Variants in PHACTR2 observed in about 807,000 individuals in gnomAD.
The protein encoded by PHACTR2 is chromosome 6 open reading frame 56.
Under a neutral mutation model 76.0 loss-of-function variants are expected in PHACTR2, and 30 were observed. That is an observed-to-expected ratio of 0.39 (90% CI 0.30 to 0.54). The LOEUF (loss-of-function observed/expected upper bound fraction) is 0.54, where lower values mean the gene tolerates loss of function less well. PHACTR2 is among the 20% of genes least tolerant of loss of function. PHACTR2 has a pLI of 0.61. For missense variants in PHACTR2, 696 were observed against 781.1 expected (o/e 0.89, Z 1.30); for synonymous variants, 292 against 292.5 (o/e 1.00, Z 0.02).
Position 143,807,240 on chromosome 6 carries a change from A to T in PHACTR2, c.1922+107A>T, listed in dbSNP as rs1436807556. The T allele has an allele frequency of 1.5e-6, 1 of 657,764 alleles. No individual in the cohort carries two copies. The highest frequency in any genetic ancestry group is 1.8e-5 in the African/African-American group (1 of 54,660). The allele number at this position is 657,764 out of a possible 1,614,324, so 40.7% of individuals were successfully genotyped here. A position where few individuals can be genotyped will look rare whatever the true frequency, so the allele number is the denominator to read the frequency against. The stretch of plus-strand genomic sequence containing the variant: ...TACAATGGTAAATTTTATGATAGGT[A>T]TATTTCATCACAATTAAAAAATGTT... On this transcript the variant is annotated intron_variant, in intron 12 of 12. Coordinates refer to ENST00000440869, the MANE Select transcript of PHACTR2 (RefSeq NM_001100164.2). This position sits in a 1 kb window ranked among gnomAD's most constrained non-coding sequence, Gnocchi z 5.5.
chr6:143,623,235 G>A lies in PHACTR2; in HGVS notation c.13+14913G>A, dbSNP rs1031029797. Among the ~76,000 whole-genome samples, 28 of 152,072 alleles carry A rather than the reference G, an allele frequency of 1.8e-4. No individual in the cohort carries two copies. The highest frequency in any genetic ancestry group is 1.3e-3 in the Admixed American group (20 of 15,274). Reference sequence around the variant, plus strand: ...AGCCAAATTACCTTCCCTAGAAAAAGAAATTATTTTCAAACTCCTAAAATG... The same window carrying A: ...AGCCAAATTACCTTCCCTAGAAAAAAAAATTATTTTCAAACTCCTAAAATG... On this transcript the variant is annotated intron_variant, in intron 1 of 11. Transcript: ENST00000305766. This position sits in a 1 kb window ranked among gnomAD's most constrained non-coding sequence, Gnocchi z 5.9.
chr6:143,778,967 A>T (rs1775351076), intron 9 of PHACTR2, among the ~76,000 whole-genome samples: 1 of 152,188 alleles, frequency 6.6e-6, no homozygotes, highest in Admixed American at 6.5e-5. Context: ...GAGGTTTGGG[A>T]AAGAGTGAGA....
Position 143,554,667 on chromosome 6 carries a change from C to T in PHACTR2, c.217+17460C>T, listed in dbSNP as rs1248636081. Reference sequence around the variant, plus strand: ...CAATTTAGCAGGGCTTTTGTTAAAACTGTATTTTACGAGGAAGTGCCCAGA... The same window carrying T: ...CAATTTAGCAGGGCTTTTGTTAAAATTGTATTTTACGAGGAAGTGCCCAGA... On this transcript the variant is annotated intron_variant, in intron 1 of 11. Transcript: ENST00000367584. This position sits in a 1 kb window ranked among gnomAD's most constrained non-coding sequence, Gnocchi z 5.9. The T allele has an allele frequency of 2.6e-5, 4 of 152,186 alleles. No individual in the cohort carries two copies. 9.4% of individuals were successfully genotyped at this position (152,186 alleles called of 1,614,324 possible).
chr6:143,544,383 A>G (rs1177209186), intron 1 of PHACTR2, among the ~76,000 whole-genome samples: 1 of 152,122 alleles, frequency 6.6e-6, no homozygotes, highest in Non-Finnish European at 1.5e-5. Flanking sequence ...AGGTGAGAAA[A>G]GGTATCACAC....
At position 143,819,322 on chromosome 6, in the gene PHACTR2, G is replaced by T. The variant is rs948744487; in HGVS notation, c.1923-4352G>T. On this transcript the variant is annotated intron_variant, in intron 12 of 12. Coordinates refer to ENST00000440869, the MANE Select transcript of PHACTR2 (RefSeq NM_001100164.2). This position sits in a 1 kb window ranked among gnomAD's most constrained non-coding sequence, Gnocchi z 5.0. ...ACATGAGCATTTCAGATAGTGCTAA[G>T]GACTGTGAAGAAAAGGTAATAGGAC... Among the ~76,000 whole-genome samples, 1 of 152,186 alleles carries T rather than the reference G, an allele frequency of 6.6e-6. No individual in the cohort carries two copies. Among genetic ancestry groups the T allele is most frequent in the African/African-American group, 2.4e-5 (1 of 41,450 alleles).
intron 12 of PHACTR2, among the ~76,000 whole-genome samples, chr6:143,814,742 A>G (rs1381724726): frequency 6.6e-6 from 1 of 151,806 alleles, no homozygotes; most frequent in Non-Finnish European, 1.5e-5. Context: ...AGCTGGGACT[A>G]CAGGCGCCCA....
Position 143,615,906 on chromosome 6 carries a change from A to G in PHACTR2, c.13+7584A>G, listed in dbSNP as rs1329136059. 2.0e-5 allele frequency among the ~76,000 whole-genome samples: 3 copies of G among 152,338 alleles called. No homozygotes were observed. The South Asian group carries it at 6.2e-4, about 32-fold the overall frequency. On this transcript the variant is annotated intron_variant, in intron 1 of 11. Coordinates refer to the PHACTR2 transcript ENST00000305766. ...TAGTAATGCTAACACGTTACATTCC[A>G]CATGACTCTTTCCAAACTCTGTACT... is the stretch of plus-strand genomic sequence containing the variant.
chr6:143,603,145 CAAAA>C lies in PHACTR2; in HGVS notation c.217+65957_217+65960del, dbSNP rs751947717. 6.3e-5 allele frequency among the ~76,000 whole-genome samples: 5 copies of C among 78,808 alleles called. No homozygotes were observed. In the South Asian group the frequency reaches 1.6e-3, roughly 25 times the overall value. The allele number at this position is 78,808 out of a possible 152,430, so 51.7% of individuals were successfully genotyped here. ...GGGTGACAAGAGCAAGACTCTGTCT[CAAAA>C]AAAAAAAAAAAAAAAAAATACTTGG... On this transcript the variant is annotated intron_variant, in intron 1 of 11. Coordinates refer to the PHACTR2 transcript ENST00000367584.
At position 143,767,069 on chromosome 6, in the gene PHACTR2, A is replaced by C. The variant is rs897227786; in HGVS notation, c.1232+1271A>C. Among the ~76,000 whole-genome samples the C allele has an allele frequency of 6.6e-6, 1 of 152,246 alleles. No individual in the cohort carries two copies. ...GTTTTGGTCAAGAAACTAAAATATC[A>C]ACTTTAATTCTTTAATTGCTAATGA... On this transcript the variant is annotated intron_variant, in intron 6 of 12. Transcript: ENST00000440869. The surrounding 1 kb of genome is among the most constrained non-coding windows in gnomAD (Gnocchi z 4.4).
At chr6:143,747,781 C>T (rs1404939400) in intron 2 of PHACTR2, among the ~76,000 whole-genome samples, 1 of 152,146 alleles carries the variant, frequency 6.6e-6, no homozygotes, top group Non-Finnish European at 1.5e-5. Flanking sequence ...CTGCAGAACA[C>T]GCTTTGGGAA....
chr6:143,754,227 A>G lies in PHACTR2; in HGVS notation c.454+315A>G. The G allele has an allele frequency of 5.6e-6, 1 of 177,964 alleles. No homozygotes were observed. The highest frequency in any genetic ancestry group is 1.2e-5 in the Non-Finnish European group (1 of 84,174). The allele number at this position is 177,964 out of a possible 1,614,324, so 11.0% of individuals were successfully genotyped here. A position where few individuals can be genotyped will look rare whatever the true frequency, so the allele number is the denominator to read the frequency against. On this transcript the variant is annotated intron_variant, in intron 4 of 12. Coordinates refer to ENST00000440869, the MANE Select transcript of PHACTR2 (RefSeq NM_001100164.2). The surrounding 1 kb of genome is among the most constrained non-coding windows in gnomAD (Gnocchi z 6.2). The stretch of plus-strand genomic sequence containing the variant: ...TATCCTTTCTTAGGAGCTTTGTCTC[A>G]GGATCATAATGAAAGTGAGAAATCT...
At position 143,537,203 on chromosome 6, in the gene PHACTR2, C is replaced by T. The variant is rs1487349489; in HGVS notation, c.213C>T (p.Gly71=). Residue 71 remains glycine, a synonymous_variant, in exon 1 of 12, where the codon GGC becomes GGT. Transcript: ENST00000367584. The surrounding 1 kb of genome is among the most constrained non-coding windows in gnomAD (Gnocchi z 4.4). ...GCCCGCTCCGGGTCCACATCTCCGG[C>T]TCAGGTAAGAGCGGCTCGGGGCGCG... is the stretch of plus-strand genomic sequence containing the variant. 5 of 282,524 alleles carry T rather than the reference C, an allele frequency of 1.8e-5. No homozygotes were observed. Among genetic ancestry groups the T allele is most frequent in the Non-Finnish European group, 3.5e-5 (5 of 144,878 alleles). 17.5% of individuals were successfully genotyped at this position (282,524 alleles called of 1,614,324 possible).
chr6:143,679,793 C>A lies in PHACTR2; in HGVS notation c.46+1584C>A, dbSNP rs1050540482. Among the ~76,000 whole-genome samples, 1 of 152,044 alleles carries A rather than the reference C, an allele frequency of 6.6e-6. No homozygotes were observed. The highest frequency in any genetic ancestry group is 2.4e-5 in the African/African-American group (1 of 41,406). On this transcript the variant is annotated intron_variant, in intron 1 of 12. Coordinates refer to ENST00000440869, the MANE Select transcript of PHACTR2 (RefSeq NM_001100164.2). This position sits in a 1 kb window ranked among gnomAD's most constrained non-coding sequence, Gnocchi z 4.6. ...AAAAAAACCCGGATTGCTATAATTC[C>A]AAATAAAATGACTGATTATAATGAG...
At chr6:143,705,265 C>A (rs972567885) in intron 1 of PHACTR2, among the ~76,000 whole-genome samples, 9 of 151,236 alleles carry the variant, frequency 6.0e-5, no homozygotes, top group African/African-American at 2.0e-4. Context: ...ATTACAAGCG[C>A]CTGCTACAAA....
chr6:143,538,250 G>T (rs1781137820), intron 1 of PHACTR2, among the ~76,000 whole-genome samples: 2 of 152,244 alleles, frequency 1.3e-5, no homozygotes, highest in East Asian at 3.8e-4. Context: ...GCCGAGTTGT[G>T]TGACGTTGGG....
At chr6:143,669,203 G>A (rs571338302) in intron 1 of PHACTR2, among the ~76,000 whole-genome samples, 1 of 152,298 alleles carries the variant, frequency 6.6e-6, no homozygotes, top group African/African-American at 2.4e-5. Flanking sequence ...TCTTAATCCT[G>A]AGTTCTAATT....
At position 143,708,532 on chromosome 6, in the gene PHACTR2, C is replaced by G. The variant is rs1014290173; in HGVS notation, c.47-3484C>G. ...GTTTGTTCTTATCTGCATGTAAATGCAAAATTCACCAGACTTACTGTGAAA... is the reference window on the plus strand; with the variant it reads ...GTTTGTTCTTATCTGCATGTAAATGGAAAATTCACCAGACTTACTGTGAAA... On this transcript the variant is annotated intron_variant, in intron 1 of 12. Coordinates refer to ENST00000440869, the MANE Select transcript of PHACTR2 (RefSeq NM_001100164.2). This position sits in a 1 kb window ranked among gnomAD's most constrained non-coding sequence, Gnocchi z 5.5. 3.9e-5 allele frequency among the ~76,000 whole-genome samples: 6 copies of G among 152,156 alleles called. No homozygotes were observed. Among genetic ancestry groups the G allele is most frequent in the African/African-American group, 1.4e-4 (6 of 41,436 alleles).
In PHACTR2 at chr6:143,695,212, C is replaced by T. The variant is rs1257150194; in HGVS notation, c.47-16804C>T. On this transcript the variant is annotated intron_variant, in intron 1 of 12. Coordinates refer to ENST00000440869, the MANE Select transcript of PHACTR2 (RefSeq NM_001100164.2). This position sits in a 1 kb window ranked among gnomAD's most constrained non-coding sequence, Gnocchi z 4.4. ...GACTCACTTCTCTTAGGCCCTGATC[C>T]GAATCCAGATTATGATGGATTGGGC... 6.6e-6 allele frequency among the ~76,000 whole-genome samples: 1 copy of T among 152,172 alleles called. No individual in the cohort carries two copies. The highest frequency in any genetic ancestry group is 1.5e-5 in the Non-Finnish European group (1 of 68,028).
At chr6:143,815,133 A>G (rs1048573846) in intron 12 of PHACTR2, among the ~76,000 whole-genome samples, 1 of 152,180 alleles carries the variant, frequency 6.6e-6, no homozygotes, top group African/African-American at 2.4e-5. Context: ...TGGATACTCC[A>G]TTTACTTGCT....
Sources: gnomAD v4.1 joint callset for allele counts (sites outside exome capture counted in the v4.1 genomes callset) on GRCh38, gnomAD v4.1.1 for gene constraint, Gnocchi (gnomAD v3.1) non-coding constraint, MANE v1.5 for transcripts, NCBI Gene and HGNC (gene_info 2026-07-23, HGNC 2026-07-21) for gene names.